The following ARMH4 variants were observed in gnomAD, a reference collection of about 807,000 sequenced individuals.
ARMH4 encodes the protein armadillo like helical domain containing 4, also known as armadillo-like helical domain-containing protein 4.
A neutral mutation model predicts 61.9 loss-of-function variants in ARMH4; 49 were observed. The ratio of observed to expected loss-of-function variants is 0.79; its 90% CI spans 0.63 to 1.00. The LOEUF is 1.00. Among genes scored for constraint, ARMH4 ranks in the 50% least tolerant of loss-of-function variants. The pLI is 0.00. For synonymous variants in ARMH4, 368 were observed against 341.5 expected, an observed-to-expected ratio of 1.08 and a Z score of -0.85; for missense variants, 934 against 930.0, an observed-to-expected ratio of 1.00 and a Z score of -0.06.
At chr14:58,075,182 TG>T (rs1488369950) in intron 5 of ARMH4, among the ~76,000 whole-genome samples, 2 of 152,218 alleles carry the variant, frequency 1.3e-5, no homozygotes. Context: ...TCAACCATTG[TG>T]GAAGACAGTG....
intron 1 of ARMH4, among the ~76,000 whole-genome samples, chr14:58,149,473 G>A (rs1485151760): frequency 6.6e-6 from 1 of 152,190 alleles, no homozygotes; most frequent in Non-Finnish European, 1.5e-5. Context: ...AGGGTAAGTA[G>A]GCTGGGGTCA....
chr14:58,094,444 ACTG>A (rs1240129790), intron 5 of ARMH4, among the ~76,000 whole-genome samples: 1 of 152,168 alleles, frequency 6.6e-6, no homozygotes, highest in African/African-American at 2.4e-5. Flanking sequence ...TTAAAATTTA[ACTG>A]CTATTAGCCA....
At chr14:58,070,214 GGAA>G (rs1649306318) in intron 5 of ARMH4, among the ~76,000 whole-genome samples, 1 of 152,166 alleles carries the variant, frequency 6.6e-6, no homozygotes. Flanking sequence ...TCAAAGAGGA[GGAA>G]GAAGGTGATA....
rs1218604610 is a variant in ARMH4, at chr14:58,148,805, G to C, written c.-57+3270C>G. ...CACTCTAACAATAACAATAACTTAT[G>C]TGTTCTCATTTCTGCTATATTTTAA... On this transcript the variant is annotated intron_variant, in intron 1 of 7. Transcript: ENST00000267485. Among the ~76,000 whole-genome samples, 3 of 151,482 alleles carry C rather than the reference G, an allele frequency of 2.0e-5. No homozygotes were observed. In the East Asian group the frequency reaches 5.8e-4, roughly 29 times the overall value.
chr14:58,006,458 T>C (rs890187365), intron 6 of ARMH4, among the ~76,000 whole-genome samples: 1 of 152,188 alleles, frequency 6.6e-6, no homozygotes, highest in African/African-American at 2.4e-5. Context: ...CCAACATTTC[T>C]AGCAGGACAT....
intron 5 of ARMH4, among the ~76,000 whole-genome samples, chr14:58,051,157 A>G (rs1425481890): frequency 1.3e-5 from 2 of 151,670 alleles, no homozygotes; most frequent in Non-Finnish European, 2.9e-5. Flanking sequence ...TGTTCTTGCC[A>G]ATGATCATCA....
intron 5 of ARMH4, among the ~76,000 whole-genome samples, chr14:58,074,461 T>G (rs1324066092): frequency 1.3e-5 from 2 of 152,254 alleles, no homozygotes; most frequent in South Asian, 4.1e-4. Flanking sequence ...GTTCTTTTTT[T>G]TTTTTTTTAG....
At position 58,003,595 on chromosome 14, in the gene ARMH4, G is replaced by A. The variant is rs1451743495; in HGVS notation, c.*1141C>T. ...ATAGCGCATTGGAATATCCTATTTT[G>A]TATAGGGCAGGGAATTACATTCCAA... On this transcript the variant is annotated 3_prime_UTR_variant, in exon 8 of 8. Transcript: ENST00000267485. 6.6e-6 allele frequency: 1 copy of A among 152,200 alleles called. No individual in the cohort carries two copies. Among genetic ancestry groups the A allele is most frequent in the African/African-American group, 2.4e-5 (1 of 41,440 alleles). 9.4% of individuals were successfully genotyped at this position (152,200 alleles called of 1,614,324 possible).
chr14:58,102,817 CAA>C (rs398025219), intron 4 of ARMH4, among the ~76,000 whole-genome samples: 785 of 50,898 alleles, frequency 0.015, 6 homozygotes, highest in African/African-American at 0.059. Context: ...GACTCCGTCT[CAA>C]AAAAAAAAAA....
At chr14:58,121,361 A>G (rs1886715757) in intron 4 of ARMH4, among the ~76,000 whole-genome samples, 1 of 152,222 alleles carries the variant, frequency 6.6e-6, no homozygotes, top group African/African-American at 2.4e-5. Flanking sequence ...AAAAAGGCAC[A>G]CACACACACA....
intron 5 of ARMH4, among the ~76,000 whole-genome samples, chr14:58,058,316 A>G (rs1392387257): frequency 6.6e-6 from 1 of 152,228 alleles, no homozygotes; most frequent in Non-Finnish European, 1.5e-5. Context: ...AAGTCTGTAC[A>G]TATTCAGTAG....
At chr14:58,098,702 G>C (rs1045921590) in intron 4 of ARMH4, among the ~76,000 whole-genome samples, 4 of 152,152 alleles carry the variant, frequency 2.6e-5, no homozygotes, top group African/African-American at 9.7e-5. Context: ...CAATGGCAAA[G>C]AAGCCTGGGC....
intron 4 of ARMH4, among the ~76,000 whole-genome samples, chr14:58,098,812 G>T (rs1309823565): frequency 5.9e-5 from 9 of 151,804 alleles, no homozygotes; most frequent in African/African-American, 2.2e-4. Context: ...ATTTCAATAG[G>T]TTTTTGGGGA....
chr14:58,040,371 G>C (rs1883647140), intron 5 of ARMH4, among the ~76,000 whole-genome samples: 1 of 151,610 alleles, frequency 6.6e-6, no homozygotes, highest in African/African-American at 2.4e-5. Flanking sequence ...GTGTCCATGT[G>C]TTCTCATCAT....
chr14:58,067,320 A>G (rs1487311071), intron 5 of ARMH4, among the ~76,000 whole-genome samples: 2 of 152,220 alleles, frequency 1.3e-5, no homozygotes, highest in Non-Finnish European at 1.5e-5. Context: ...GACACATGTG[A>G]ATAAACAAAG....
intron 4 of ARMH4, among the ~76,000 whole-genome samples, chr14:58,110,389 T>A (rs1409466749): frequency 6.6e-6 from 1 of 152,210 alleles, no homozygotes; most frequent in Non-Finnish European, 1.5e-5. Flanking sequence ...ATGTTGTTAT[T>A]AACTATAGTC....
chr14:58,096,836 A>C lies in ARMH4; in HGVS notation c.1977T>G (p.Pro659=). The change falls in exon 5 of 8, where the codon CCT becomes CCG. Residue 659 remains proline, a synonymous_variant. Transcript: ENST00000267485. ...AGCCTGGTTCCTGGGATGTGATACC[A>C]GGGAGGGTAAAACCTGGCAGCTCAG... ...GDTELPGFTL[P]GITSQEPGLE... is the part of the protein sequence containing the mutation. The C allele has an allele frequency of 6.2e-7, 1 of 1,614,128 alleles. No homozygotes were observed. Among genetic ancestry groups the C allele is most frequent in the South Asian group, 1.1e-5 (1 of 91,084 alleles).
At chr14:58,006,719 T>C (rs1594683467) in intron 6 of ARMH4, among the ~76,000 whole-genome samples, 1 of 144,946 alleles carries the variant, frequency 6.9e-6, no homozygotes, top group African/African-American at 2.6e-5. Flanking sequence ...ATGAGAACAC[T>C]TGGACACAGG....
At chr14:58,088,776 T>C (rs2141252355) in intron 5 of ARMH4, among the ~76,000 whole-genome samples, 1 of 152,234 alleles carries the variant, frequency 6.6e-6, no homozygotes, top group South Asian at 2.1e-4. Context: ...TCTATATGAT[T>C]ATAAAAAGCT....
Sources: gnomAD v4.1 joint callset for allele counts (sites outside exome capture counted in the v4.1 genomes callset) on GRCh38, gnomAD v4.1.1 for gene constraint, MANE v1.5 for transcripts, NCBI Gene and HGNC (gene_info 2026-07-23, HGNC 2026-07-21) for gene names.